GRIP1: variants seen among roughly 807,000 people sequenced by gnomAD.
The protein encoded by GRIP1 is glutamate receptor-interacting protein 1.
A neutral mutation model predicts 129.9 loss-of-function variants in GRIP1; 45 were observed. The ratio of observed to expected loss-of-function variants is 0.35; its 90% CI spans 0.27 to 0.44. The LOEUF is 0.44. GRIP1 is among the 20% of genes least tolerant of loss of function. GRIP1 has a pLI of 1.00. For synonymous variants in GRIP1, 530 were observed against 520.8 expected (o/e 1.02, Z -0.24); for missense variants, 1,196 against 1,396.8 (o/e 0.86, Z 2.29).
At position 67,043,115 on chromosome 12, in the gene GRIP1, G is replaced by A. The variant is rs141353541; in HGVS notation, c.58+25935C>T. Among the ~76,000 whole-genome samples, 78 of 152,264 alleles carry A rather than the reference G, an allele frequency of 5.1e-4. 1 individual carries two copies. The highest frequency in any genetic ancestry group is 1.8e-3 in the African/African-American group (76 of 41,558). On this transcript the variant is annotated intron_variant, in intron 1 of 1. Coordinates refer to the GRIP1 transcript ENST00000643019. ...AGGCCAAGGCTGGCTCTGCAGGTGC[G>A]AGGGACTGCAGGCGAGAGTGAGGTC...
intron 2 of GRIP1, among the ~76,000 whole-genome samples, chr12:66,551,728 T>G (rs1017942666): frequency 2.0e-5 from 3 of 151,902 alleles, no homozygotes; most frequent in Non-Finnish European, 4.4e-5. Flanking sequence ...GCCCAGCTAA[T>G]TTTTTAAAAC....
intron 7 of GRIP1, among the ~76,000 whole-genome samples, chr12:66,474,072 C>A (rs956411192): frequency 6.6e-6 from 1 of 151,866 alleles, no homozygotes; most frequent in African/African-American, 2.4e-5. Context: ...TGCAAGGAAG[C>A]TAAGAACCTT....
chr12:66,881,303 A>T (rs1023939169), intron 1 of GRIP1, among the ~76,000 whole-genome samples: 7 of 152,156 alleles, frequency 4.6e-5, no homozygotes, highest in African/African-American at 1.4e-4. Flanking sequence ...GTTTGTAAAG[A>T]TGCGATGTGA....
intron 2 of GRIP1, among the ~76,000 whole-genome samples, chr12:66,580,452 C>T (rs1159320657): frequency 6.6e-6 from 1 of 152,112 alleles, no homozygotes; most frequent in Non-Finnish European, 1.5e-5. Flanking sequence ...AATTAAAAGA[C>T]ACAGACTGGC....
chr12:66,799,850 C>G (rs1446006703), intron 1 of GRIP1, among the ~76,000 whole-genome samples: 1 of 152,120 alleles, frequency 6.6e-6, no homozygotes, highest in Non-Finnish European at 1.5e-5. Flanking sequence ...ATCACCCACA[C>G]CACAGCCTAA....
At chr12:67,034,773 T>C (rs555449400) in intron 1 of GRIP1, among the ~76,000 whole-genome samples, 133 of 152,288 alleles carry the variant, frequency 8.7e-4, no homozygotes, top group African/African-American at 3.1e-3. Flanking sequence ...ACAACAGCCC[T>C]AGGCAACAGG....
intron 15 of GRIP1, among the ~76,000 whole-genome samples, chr12:66,408,029 C>T (rs1195039803): frequency 1.3e-5 from 2 of 152,146 alleles, no homozygotes; most frequent in African/African-American, 2.4e-5. Flanking sequence ...GACAGGGCAC[C>T]GGGCAGAGTC....
rs533344609 is a variant in GRIP1, at chr12:66,686,954, C to T, written c.-419-56618G>A. Among the ~76,000 whole-genome samples the T allele has an allele frequency of 4.1e-4, 62 of 152,066 alleles. No individual in the cohort carries two copies. The Middle Eastern group carries it at 0.014, about 33-fold the overall frequency. ...GCACACACCTGTGGTCCCAGCTACT[C>T]AGGAGGCAGAGGTGGGAGGATTGCT... On this transcript the variant is annotated intron_variant, in intron 1 of 4. Coordinates refer to the GRIP1 transcript ENST00000538373.
At chr12:66,835,688 C>T (rs1278549173) in intron 1 of GRIP1, among the ~76,000 whole-genome samples, 1 of 152,176 alleles carries the variant, frequency 6.6e-6, no homozygotes, top group Non-Finnish European at 1.5e-5. Flanking sequence ...AACTGCATGA[C>T]ACTTGGAGAA....
intron 1 of GRIP1, among the ~76,000 whole-genome samples, chr12:66,785,343 C>CATACATACATACATACATATATATATAT (rs377630345): frequency 1.4e-5 from 1 of 72,788 alleles, no homozygotes; most frequent in Non-Finnish European, 2.8e-5. Flanking sequence ...TACATACATA[C>CATACATACATACATACATATATATATAT]ATATATATAT....
At chr12:66,883,346 T>C (rs2137200086) in intron 1 of GRIP1, among the ~76,000 whole-genome samples, 1 of 152,304 alleles carries the variant, frequency 6.6e-6, no homozygotes, top group Non-Finnish European at 1.5e-5. Flanking sequence ...ATCATGTTTT[T>C]TCATCTTCAT....
At position 67,062,323 on chromosome 12, in the gene GRIP1, T is replaced by C. The variant is rs1484779694; in HGVS notation, c.58+6727A>G. On this transcript the variant is annotated intron_variant, in intron 1 of 1. Transcript: ENST00000643019. Reference sequence around the variant, plus strand: ...AATATTTATATTCTATGCTCATAAGTATGTTCATACTCTACACTCCATCCC... The same window carrying C: ...AATATTTATATTCTATGCTCATAAGCATGTTCATACTCTACACTCCATCCC... Among the ~76,000 whole-genome samples the C allele has an allele frequency of 2.6e-5, 4 of 152,206 alleles. No individual in the cohort carries two copies. In the East Asian group the frequency reaches 5.8e-4, roughly 22 times the overall value.
At chr12:66,788,079 T>C (rs2136835810) in intron 1 of GRIP1, among the ~76,000 whole-genome samples, 1 of 151,814 alleles carries the variant, frequency 6.6e-6, no homozygotes, top group African/African-American at 2.4e-5. Context: ...GCCATAGGGG[T>C]GGTCATGGGG....
intron 19 of GRIP1, among the ~76,000 whole-genome samples, 158 bp from the exon 20 acceptor site, chr12:66,379,594 AG>A (rs1314946505): frequency 6.6e-6 from 1 of 152,192 alleles, no homozygotes; most frequent in East Asian, 1.9e-4. Context: ...GACTTCACCA[AG>A]TACTTCATTT....
upstream of GRIP1, among the ~76,000 whole-genome samples, chr12:66,684,108 A>G (rs142137807): frequency 3.2e-4 from 49 of 152,332 alleles, no homozygotes; most frequent in African/African-American, 1.2e-3. Flanking sequence ...TTATCTGTGT[A>G]ACGTGCCTAG....
intron 1 of GRIP1, among the ~76,000 whole-genome samples, chr12:66,630,605 G>A (rs762166086): frequency 2.2e-4 from 34 of 152,276 alleles, no homozygotes; most frequent in Middle Eastern, 3.4e-3. Context: ...TGTCTTAAAG[G>A]CCATACATTC....
At chr12:66,990,901 C>T (rs903079390) in intron 1 of GRIP1, among the ~76,000 whole-genome samples, 17 of 150,604 alleles carry the variant, frequency 1.1e-4, no homozygotes, top group Non-Finnish European at 2.4e-4. Flanking sequence ...GGCTTGAACC[C>T]GGGAGGCAGA....
chr12:66,528,441 A>G (rs374525841), intron 5 of GRIP1, among the ~76,000 whole-genome samples: 2 of 152,194 alleles, frequency 1.3e-5, no homozygotes, highest in East Asian at 1.9e-4. Context: ...CCGGCCTAGA[A>G]TTAGTAGTTT....
intron 1 of GRIP1, among the ~76,000 whole-genome samples, chr12:66,926,355 A>AC (rs2041295984): frequency 6.6e-6 from 1 of 152,100 alleles, no homozygotes; most frequent in Non-Finnish European, 1.5e-5. Context: ...GACTTACGAT[A>AC]CCCCCATAGC....
Sources: gnomAD v4.1 joint callset for allele counts (sites outside exome capture counted in the v4.1 genomes callset) on GRCh38, gnomAD v4.1.1 for gene constraint, MANE v1.5 for transcripts, NCBI Gene and HGNC (gene_info 2026-07-23, HGNC 2026-07-21) for gene names.